Variants in GALNT9 observed in about 807,000 individuals in gnomAD.
The protein encoded by GALNT9 is GalNAc transferase 9.
A neutral mutation model predicts 63.1 loss-of-function variants in GALNT9; 47 were observed. The observed-to-expected ratio is 0.75, with a 90% CI of 0.59 to 0.95. The LOEUF is 0.95. Ranked by LOEUF, GALNT9 falls within the 40% of genes least tolerant of loss-of-function variation. The pLI is 0.00. For synonymous variants in GALNT9, 396 were observed against 365.7 expected, an observed-to-expected ratio of 1.08 and a Z score of -0.94; for missense variants, 829 against 874.8, an observed-to-expected ratio of 0.95 and a Z score of 0.66.
At chr12:132,267,320 T>C (rs28584541) in intron 2 of GALNT9, among the ~76,000 whole-genome samples, 19,934 of 152,080 alleles carry the variant, frequency 0.13, 3,666 homozygotes, top group African/African-American at 0.41. Flanking sequence ...CAGGCCACAC[T>C]GGGAGGCATG....
At chr12:132,318,343 C>T (rs1438854514) in intron 1 of GALNT9, among the ~76,000 whole-genome samples, 2 of 152,250 alleles carry the variant, frequency 1.3e-5, no homozygotes, top group Non-Finnish European at 2.9e-5. Context: ...TGACCCAGAA[C>T]GAGAGACAAG....
Position 132,257,874 on chromosome 12 carries a change from T to C in GALNT9, c.774A>G (p.Ala258=), listed in dbSNP as rs897126768. The C allele has an allele frequency of 1.3e-6, 2 of 1,542,656 alleles. No homozygotes were observed. Among genetic ancestry groups the C allele is most frequent in the Non-Finnish European group, 1.7e-6 (2 of 1,143,310 alleles). ...GCCGGTCCTCTCGGATCCGCGACAGTGCGGGCTCGGCCCTGCGGAGGCACA... is the reference window on the plus strand; with the variant it reads ...GCCGGTCCTCTCGGATCCGCGACAGCGCGGGCTCGGCCCTGCGGAGGCACA... The part of the protein sequence containing the change: ...VEFNTGWAEP[A]LSRIREDRRR... The change falls in exon 5 of 11, where the codon GCA becomes GCG. Residue 258 remains alanine (A), a synonymous_variant. Coordinates refer to ENST00000328957, the MANE Select transcript of GALNT9 (RefSeq NM_001122636.2).
intron 6 of GALNT9, among the ~76,000 whole-genome samples, chr12:132,240,223 G>A (rs991452533): frequency 3.3e-5 from 5 of 152,212 alleles, no homozygotes; most frequent in Non-Finnish European, 7.4e-5. Context: ...TGGGGTGGTC[G>A]CCCTACAGGT....
intron 8 of GALNT9, among the ~76,000 whole-genome samples, chr12:132,200,219 T>G (rs12370221): frequency 0.47 from 71,216 of 152,082 alleles, 17,091 homozygotes; most frequent in Non-Finnish European, 0.52. Flanking sequence ...ACCCTTTTCC[T>G]TGCCCCATCC....
In GALNT9 at chr12:132,286,219, G is replaced by C. The variant is rs1325655020; in HGVS notation, c.419+31C>G. 3 of 1,531,884 alleles carry C rather than the reference G, an allele frequency of 2.0e-6. No individual in the cohort carries two copies. Among genetic ancestry groups the C allele is most frequent in the Admixed American group, 2.0e-5 (1 of 50,034 alleles). The allele number at this position is 1,531,884 out of a possible 1,614,324, so 94.9% of individuals were successfully genotyped here. A position where few individuals can be genotyped will look rare whatever the true frequency, so the allele number is the denominator to read the frequency against. On this transcript the variant is annotated intron_variant, in intron 2 of 10. Transcript: ENST00000328957. The surrounding 1 kb of genome is among the most constrained non-coding windows in gnomAD (Gnocchi z 7.4). Reference sequence around the variant, plus strand: ...GGGGGCGGTCACTTCCTCGGCGGGCGTCGGGGGATGGGGGGCAGTCACTCA... The same window carrying C: ...GGGGGCGGTCACTTCCTCGGCGGGCCTCGGGGGATGGGGGGCAGTCACTCA...
At position 132,257,886 on chromosome 12, in the gene GALNT9, C is replaced by T; in HGVS notation, c.762G>A (p.Trp254Ter). ...GGATCCGCGACAGTGCGGGCTCGGC[C>T]CTGCGGAGGCACAGCTGTGAGGAGG... ...FDAHVEFNTG[W>*]AEPALSRIRE... The change falls in exon 5 of 11, where the codon TGG becomes TGA. Residue 254 changes from tryptophan (W) to a stop codon, truncating the protein, a stop_gained and splice_region_variant. Transcript: ENST00000328957. LOFTEE classifies it high-confidence loss of function. 1 of 1,528,936 alleles carries T rather than the reference C, an allele frequency of 6.5e-7. No individual in the cohort carries two copies. The highest frequency in any genetic ancestry group is 1.4e-5 in the African/African-American group (1 of 72,888). 94.7% of individuals were successfully genotyped at this position (1,528,936 alleles called of 1,614,324 possible).
intron 1 of GALNT9, among the ~76,000 whole-genome samples, chr12:132,289,744 T>G (rs1880737699): frequency 6.6e-6 from 1 of 152,196 alleles, no homozygotes; most frequent in Admixed American, 6.5e-5. Flanking sequence ...CGGGGCTCCA[T>G]GCCTCCCCTC....
At chr12:132,235,448 G>C (rs1877968408) in intron 6 of GALNT9, among the ~76,000 whole-genome samples, 1 of 152,064 alleles carries the variant, frequency 6.6e-6, no homozygotes, top group Non-Finnish European at 1.5e-5. Flanking sequence ...GAGTGTTGGG[G>C]GGCACCGGCT....
chr12:132,198,715 G>A (rs1245093325), intron 9 of GALNT9, among the ~76,000 whole-genome samples: 6 of 152,158 alleles, frequency 3.9e-5, no homozygotes, highest in African/African-American at 9.7e-5. Flanking sequence ...GGAGTGCACT[G>A]GTGTGATCTC....
intron 2 of GALNT9, among the ~76,000 whole-genome samples, chr12:132,266,489 A>T (rs1401984102): frequency 6.6e-6 from 1 of 152,246 alleles, no homozygotes; most frequent in Admixed American, 6.5e-5. Flanking sequence ...AGGAAATGCA[A>T]CACGGAGGCC....
intron 5 of GALNT9, among the ~76,000 whole-genome samples, chr12:132,249,544 C>G (rs542603297): frequency 3.9e-5 from 6 of 152,314 alleles, no homozygotes; most frequent in African/African-American, 1.2e-4. Context: ...AATACCCCCC[C>G]TTGATTTTTA....
intron 5 of GALNT9, among the ~76,000 whole-genome samples, chr12:132,251,271 A>C (rs1555238540): frequency 6.6e-6 from 1 of 152,236 alleles, no homozygotes; most frequent in East Asian, 1.9e-4. Flanking sequence ...TGCCACCTTC[A>C]ATCAGAGGCA....
chr12:132,238,778 G>T lies in GALNT9; in HGVS notation c.1077+9132C>A, dbSNP rs1358751531. On this transcript the variant is annotated intron_variant, in intron 6 of 10. Transcript: ENST00000328957. The surrounding 1 kb of genome is among the most constrained non-coding windows in gnomAD (Gnocchi z 6.5). Reference sequence around the variant, plus strand: ...CCGCCCCCTCATCTGCAGGCCACCCGCCCAGGGACGTGCTACCATTTACCT... The same window carrying T: ...CCGCCCCCTCATCTGCAGGCCACCCTCCCAGGGACGTGCTACCATTTACCT... Among the ~76,000 whole-genome samples the T allele has an allele frequency of 1.3e-5, 2 of 152,162 alleles. No homozygotes were observed. The highest frequency in any genetic ancestry group is 4.8e-5 in the African/African-American group (2 of 41,428).
chr12:132,240,744 A>G (rs1292065062), intron 6 of GALNT9: 2 of 455,592 alleles, frequency 4.4e-6, no homozygotes, highest in African/African-American at 4.0e-5. Context: ...AAGTTACCAG[A>G]ACCTGATCAC....
intron 1 of GALNT9, among the ~76,000 whole-genome samples, chr12:132,313,643 T>C (rs1358539902): frequency 9.7e-5 from 7 of 71,884 alleles, no homozygotes; most frequent in Admixed American, 4.0e-4. Flanking sequence ...CCTACCCACT[T>C]ATCCATCCAT....
intron 1 of GALNT9, among the ~76,000 whole-genome samples, chr12:132,314,071 AC>A (rs1344684837): frequency 3.5e-4 from 19 of 54,570 alleles, no homozygotes; most frequent in African/African-American, 1.2e-3. Flanking sequence ...CCATCCACCC[AC>A]CCACCCATAC....
chr12:132,269,698 C>A (rs532547645), intron 2 of GALNT9, among the ~76,000 whole-genome samples: 1 of 152,174 alleles, frequency 6.6e-6, no homozygotes, highest in South Asian at 2.1e-4. Context: ...GTGAAATAGA[C>A]GCCGCTGGGA....
At chr12:132,304,070 T>G (rs189956279) in intron 1 of GALNT9, among the ~76,000 whole-genome samples, 1 of 6,562 alleles carries the variant, frequency 1.5e-4, no homozygotes, top group African/African-American at 6.2e-4. Flanking sequence ...CACCCTCACC[T>G]GGGCACAGCC....
At chr12:132,306,986 G>A (rs1881640663) in intron 1 of GALNT9, among the ~76,000 whole-genome samples, 1 of 152,128 alleles carries the variant, frequency 6.6e-6, no homozygotes, top group African/African-American at 2.4e-5. Flanking sequence ...TGATTTCCAT[G>A]GGGGCTGACT....
Sources: gnomAD v4.1 joint callset for allele counts (sites outside exome capture counted in the v4.1 genomes callset) on GRCh38, gnomAD v4.1.1 for gene constraint, Gnocchi (gnomAD v3.1) non-coding constraint, MANE v1.5 for transcripts, NCBI Gene and HGNC (gene_info 2026-07-23, HGNC 2026-07-21) for gene names.